ST3GAL2: variants seen among roughly 807,000 people sequenced by gnomAD.
ST3GAL2 encodes the protein CMP-N-acetylneuraminate-beta-galactosamide-alpha-2,3-sialyltransferase 2.
Under a neutral mutation model 37.5 loss-of-function variants are expected in ST3GAL2, and 16 were observed. That is an observed-to-expected ratio of 0.43 (90% confidence interval 0.29 to 0.65). The LOEUF is 0.65. Among genes scored for constraint, ST3GAL2 ranks in the 30% least tolerant of loss-of-function variants. The pLI, the probability that ST3GAL2 is intolerant of heterozygous loss-of-function variation, is 0.17. For synonymous variants in ST3GAL2, 238 were observed against 202.9 expected (o/e 1.17, Z -1.47); for missense variants, 383 against 487.8 (o/e 0.79, Z 2.02).
At chr16:70,408,263 C>T (rs1170951229) in intron 1 of ST3GAL2, among the ~76,000 whole-genome samples, 1 of 152,136 alleles carries the variant, frequency 6.6e-6, no homozygotes, top group Non-Finnish European at 1.5e-5. Flanking sequence ...CACTGCCTTC[C>T]CAAAGCACTC....
At chr16:70,401,855 G>T (rs996612494) in intron 1 of ST3GAL2, among the ~76,000 whole-genome samples, 6 of 151,882 alleles carry the variant, frequency 4.0e-5, no homozygotes, top group Non-Finnish European at 8.8e-5. Context: ...TCAGCCAGGC[G>T]TTGTGGTGGC....
chr16:70,436,999 G>A (rs2047829787), intron 1 of ST3GAL2, among the ~76,000 whole-genome samples: 1 of 152,124 alleles, frequency 6.6e-6, no homozygotes, highest in African/African-American at 2.4e-5. Context: ...TGGTATTGCA[G>A]ACTCCTTAAT....
At chr16:70,431,988 T>A (rs943209858) in intron 1 of ST3GAL2, among the ~76,000 whole-genome samples, 9 of 150,836 alleles carry the variant, frequency 6.0e-5, no homozygotes, top group African/African-American at 2.2e-4. Flanking sequence ...TATATATATT[T>A]TTTTTTAACT....
Position 70,381,794 on chromosome 16 carries a change from G to C in ST3GAL2, c.948C>G (p.Tyr316Ter), listed in dbSNP as rs375230306. The C allele has an allele frequency of 6.2e-7, 1 of 1,614,074 alleles. No homozygotes were observed. Among genetic ancestry groups the C allele is most frequent in the Non-Finnish European group, 8.5e-7 (1 of 1,179,958 alleles). ...CGCCAGTCTTCCGGAACTCGCCCGC[G>C]TACCGGTTGTTCTCCCAGTAGTGGT... is the stretch of plus-strand genomic sequence containing the variant. The part of the protein sequence containing the change: ...NWHHYWENNR[Y>*]AGEFRKTGVH... The change falls in exon 7 of 7, where the codon TAC becomes TAG. Residue 316 changes from tyrosine to a stop codon, truncating the protein, a stop_gained. Transcript: ENST00000342907. LOFTEE classifies it high-confidence loss of function.
intron 1 of ST3GAL2, among the ~76,000 whole-genome samples, chr16:70,401,572 G>C (rs1432098338): frequency 6.6e-6 from 1 of 152,002 alleles, no homozygotes; most frequent in African/African-American, 2.4e-5. Flanking sequence ...TCCCAAAAAT[G>C]ACCTGGCAAT....
chr16:70,422,774 ACTGAGGT>A (rs1057173133), intron 1 of ST3GAL2, among the ~76,000 whole-genome samples: 14 of 152,246 alleles, frequency 9.2e-5, no homozygotes, highest in African/African-American at 3.4e-4. Context: ...GTAAGACTGA[ACTGAGGT>A]CTCCTCTTAA....
chr16:70,432,069 T>C (rs1189353228), intron 1 of ST3GAL2, among the ~76,000 whole-genome samples: 3 of 151,854 alleles, frequency 2.0e-5, no homozygotes, highest in African/African-American at 7.3e-5. Flanking sequence ...GAAGGACCAC[T>C]TGAGCCCAAG....
Position 70,377,241 on chromosome 16 carries a change from G to A in ST3GAL2, c.*4448C>T, listed in dbSNP as rs72790692. 43,025 of 147,868 alleles carry A rather than the reference G, an allele frequency of 0.29. 7,831 individuals carry two copies. Among genetic ancestry groups the A allele is most frequent in the Non-Finnish European group, 0.39 (26,206 of 67,360 alleles). 9.2% of individuals were successfully genotyped at this position (147,868 alleles called of 1,614,324 possible). A position where few individuals can be genotyped will look rare whatever the true frequency, so the allele number is the denominator to read the frequency against. ...TCACGCCTGTAATCCTACCATTTGG[G>A]AGGCCAAGGCAGGCGGATCACCTGA... is the stretch of plus-strand genomic sequence containing the variant. On this transcript the variant is annotated 3_prime_UTR_variant, in exon 7 of 7. Coordinates refer to ENST00000342907, the MANE Select transcript of ST3GAL2 (RefSeq NM_006927.4).
Position 70,379,606 on chromosome 16 carries a change from C to T in ST3GAL2, c.*2083G>A, listed in dbSNP as rs1336182992. ...TCTGGCTGGATGCTGGGACCTACCTCTTCCAGGATGGGGATTCATGATTTA... is the reference window on the plus strand; with the variant it reads ...TCTGGCTGGATGCTGGGACCTACCTTTTCCAGGATGGGGATTCATGATTTA... On this transcript the variant is annotated 3_prime_UTR_variant, in exon 7 of 7. Transcript: ENST00000342907. The T allele has an allele frequency of 1.3e-5, 2 of 152,332 alleles. No homozygotes were observed. The highest frequency in any genetic ancestry group is 2.9e-5 in the Non-Finnish European group (2 of 68,048). The allele number at this position is 152,332 out of a possible 1,614,324, so 9.4% of individuals were successfully genotyped here. A position where few individuals can be genotyped will look rare whatever the true frequency, so the allele number is the denominator to read the frequency against.
At chr16:70,419,330 G>A (rs1281949177) in intron 1 of ST3GAL2, among the ~76,000 whole-genome samples, 1 of 152,212 alleles carries the variant, frequency 6.6e-6, no homozygotes, top group Non-Finnish European at 1.5e-5. Flanking sequence ...TCTATCCCCA[G>A]ATCCTGTTAG....
chr16:70,422,525 A>T (rs1361701954), intron 1 of ST3GAL2, among the ~76,000 whole-genome samples: 2 of 152,222 alleles, frequency 1.3e-5, no homozygotes, highest in African/African-American at 4.8e-5. Context: ...AAACATCTGA[A>T]GGGCAAGAGG....
intron 4 of ST3GAL2, among the ~76,000 whole-genome samples, chr16:70,386,278 C>G (rs1159910267): frequency 2.0e-5 from 3 of 152,036 alleles, no homozygotes; most frequent in Non-Finnish European, 4.4e-5. Flanking sequence ...AGCTCCGCCT[C>G]CCGGGTTCAC....
At chr16:70,401,770 A>T (rs991234459) in intron 1 of ST3GAL2, among the ~76,000 whole-genome samples, 8 of 152,092 alleles carry the variant, frequency 5.3e-5, no homozygotes, top group African/African-American at 1.4e-4. Flanking sequence ...AGGTGGGTGT[A>T]TCACCTGAGG....
In ST3GAL2 at chr16:70,438,662, G is replaced by C. The variant is rs1373298732; in HGVS notation, c.-1004+287C>G. Among the ~76,000 whole-genome samples, 3 of 152,022 alleles carry C rather than the reference G, an allele frequency of 2.0e-5. No homozygotes were observed. The East Asian group carries it at 5.8e-4, about 29-fold the overall frequency. ...AGCTCTTCCGAGGGCTGGGGCTGGG[G>C]CTGGGGTTGGGGTTGGGGGCTGCCG... is the stretch of plus-strand genomic sequence containing the variant. On this transcript the variant is annotated intron_variant, in intron 1 of 6. Coordinates refer to ENST00000342907, the MANE Select transcript of ST3GAL2 (RefSeq NM_006927.4).
Position 70,381,469 on chromosome 16 carries a change from T to A in ST3GAL2, c.*220A>T, listed in dbSNP as rs1313371715. 2 of 600,036 alleles carry A rather than the reference T, an allele frequency of 3.3e-6. No individual in the cohort carries two copies. The highest frequency in any genetic ancestry group is 2.9e-6 in the Non-Finnish European group (1 of 346,962). The allele number at this position is 600,036 out of a possible 1,614,324, so 37.2% of individuals were successfully genotyped here. A position where few individuals can be genotyped will look rare whatever the true frequency, so the allele number is the denominator to read the frequency against. The stretch of plus-strand genomic sequence containing the variant: ...GGAGACTGGACACAGCGCCGGAAGT[T>A]TTCCTTGAGTCACATGATTGGCTGG... On this transcript the variant is annotated 3_prime_UTR_variant, in exon 7 of 7. Coordinates refer to ENST00000342907, the MANE Select transcript of ST3GAL2 (RefSeq NM_006927.4).
intron 1 of ST3GAL2, among the ~76,000 whole-genome samples, chr16:70,407,194 G>A (rs1287910202): frequency 6.6e-6 from 1 of 150,776 alleles, no homozygotes; most frequent in Non-Finnish European, 1.5e-5. Context: ...AGGCTGGAGT[G>A]CAGTGGCGCA....
chr16:70,420,102 C>A (rs2047704633), intron 1 of ST3GAL2, among the ~76,000 whole-genome samples: 1 of 147,452 alleles, frequency 6.8e-6, no homozygotes, highest in Non-Finnish European at 1.5e-5. Context: ...TCTCGGTTCA[C>A]TGCAACCTCT....
chr16:70,437,371 C>T (rs1288508915), intron 1 of ST3GAL2, among the ~76,000 whole-genome samples: 1 of 152,166 alleles, frequency 6.6e-6, no homozygotes, highest in African/African-American at 2.4e-5. Flanking sequence ...AGTGAACCAT[C>T]TGGTTCAGAT....
chr16:70,429,158 G>A (rs943396372), intron 1 of ST3GAL2, among the ~76,000 whole-genome samples: 2 of 152,192 alleles, frequency 1.3e-5, no homozygotes, highest in Admixed American at 6.5e-5. Flanking sequence ...GCTGCTTAAC[G>A]CATCCAAACA....
Sources: allele counts gnomAD v4.1 joint callset (sites outside exome capture counted in the v4.1 genomes callset), GRCh38; gene constraint gnomAD v4.1.1; transcripts MANE v1.5; gene names NCBI Gene and HGNC (gene_info 2026-07-23, HGNC 2026-07-21).